NDST3: variants seen among roughly 807,000 people sequenced by gnomAD.
NDST3 encodes the protein bifunctional heparan sulfate N-deacetylase/N-sulfotransferase 3.
A neutral mutation model predicts 96.1 loss-of-function variants in NDST3; 58 were observed. The observed-to-expected ratio is 0.60, with a 90% CI of 0.49 to 0.75. NDST3 has a LOEUF of 0.75. Ranked by LOEUF, NDST3 falls within the 30% of genes least tolerant of loss-of-function variation. The pLI is 0.00. For synonymous variants in NDST3, 333 were observed against 359.7 expected (o/e 0.93, Z 0.84); for missense variants, 788 against 1,034.2 (o/e 0.76, Z 3.27).
chr4:118,257,181 C>T lies in NDST3; in HGVS notation c.*1469C>T, dbSNP rs1351852214. 1.3e-5 allele frequency: 2 copies of T among 151,962 alleles called. No individual in the cohort carries two copies. The highest frequency in any genetic ancestry group is 2.9e-5 in the Non-Finnish European group (2 of 68,002). 9.4% of individuals were successfully genotyped at this position (151,962 alleles called of 1,614,324 possible). Reference sequence around the variant, plus strand: ...GGGGACAGAGTCTCACTATGTCACCCAGGCTGGAGTGCAATGGTGTGATCT... The same window carrying T: ...GGGGACAGAGTCTCACTATGTCACCTAGGCTGGAGTGCAATGGTGTGATCT... On this transcript the variant is annotated 3_prime_UTR_variant, in exon 14 of 14. Coordinates refer to ENST00000296499, the MANE Select transcript of NDST3 (RefSeq NM_004784.3).
At chr4:118,193,587 G>T in intron 6 of NDST3, 1 of 1,159,234 alleles carries the variant, frequency 8.6e-7, no homozygotes, top group African/African-American at 1.5e-5. Flanking sequence ...CTGCAGATCT[G>T]CTGCTGGCAC....
At chr4:118,174,856 T>C (rs745329626) in intron 6 of NDST3, among the ~76,000 whole-genome samples, 7 of 152,192 alleles carry the variant, frequency 4.6e-5, no homozygotes, top group Non-Finnish European at 8.8e-5. Context: ...TAAAGTTGGA[T>C]TCTGTGACTG....
chr4:118,207,547 C>T (rs1371551537), intron 6 of NDST3, among the ~76,000 whole-genome samples: 1 of 145,002 alleles, frequency 6.9e-6, no homozygotes, highest in Non-Finnish European at 1.5e-5. Context: ...CAAGTGATGA[C>T]ACAGTAAAAA....
chr4:118,171,844 T>C (rs548479815), intron 6 of NDST3, among the ~76,000 whole-genome samples: 1 of 152,082 alleles, frequency 6.6e-6, no homozygotes, highest in Non-Finnish European at 1.5e-5. Context: ...TAGGGTTAAG[T>C]AGGGCTTGTT....
chr4:118,250,487 CTT>C (rs775929321), intron 12 of NDST3, among the ~76,000 whole-genome samples: 12 of 143,848 alleles, frequency 8.3e-5, no homozygotes, highest in Admixed American at 2.1e-4. Context: ...CTGTTCCAAT[CTT>C]TTTTTTTTTT....
chr4:118,066,218 A>ATTATATATATTATATATTATATATATT (rs1560617831), intron 2 of NDST3, among the ~76,000 whole-genome samples: 1 of 62,862 alleles, frequency 1.6e-5, no homozygotes, highest in African/African-American at 7.0e-5. Context: ...TATTATACAT[A>ATTATATATATTATATATTATATATATT]ATATATTATA....
At chr4:118,035,779 AGAAGATTTGT>A (rs1464866572) in intron 1 of NDST3, among the ~76,000 whole-genome samples, 3 of 151,982 alleles carry the variant, frequency 2.0e-5, no homozygotes, top group Non-Finnish European at 2.9e-5. Flanking sequence ...ATGGTAAAAC[AGAAGATTTGT>A]TTCTTTGTGT....
chr4:118,082,924 AAG>A (rs1463336120), intron 2 of NDST3, among the ~76,000 whole-genome samples: 2 of 152,124 alleles, frequency 1.3e-5, no homozygotes, highest in African/African-American at 4.8e-5. Context: ...GAGAAGGAGT[AAG>A]AGAGAGGTAA....
At chr4:118,178,782 C>A (rs1736421647) in intron 6 of NDST3, among the ~76,000 whole-genome samples, 1 of 152,008 alleles carries the variant, frequency 6.6e-6, no homozygotes, top group African/African-American at 2.4e-5. Flanking sequence ...GCAGCTATAC[C>A]ACTATACATT....
At chr4:118,052,571 G>A (rs757356328) in intron 1 of NDST3, among the ~76,000 whole-genome samples, 7 of 151,892 alleles carry the variant, frequency 4.6e-5, no homozygotes, top group Non-Finnish European at 1.0e-4. Flanking sequence ...TTCCTTAGGT[G>A]CCCAGGTAAA....
intron 6 of NDST3, among the ~76,000 whole-genome samples, chr4:118,214,567 C>CTCG (rs1739073131): frequency 6.6e-6 from 1 of 152,064 alleles, no homozygotes; most frequent in South Asian, 2.1e-4. Context: ...ATACACATGA[C>CTCG]TCACAGTATG....
intron 6 of NDST3, among the ~76,000 whole-genome samples, chr4:118,148,740 T>C (rs1035419110): frequency 2.0e-5 from 3 of 152,214 alleles, no homozygotes; most frequent in Non-Finnish European, 4.4e-5. Flanking sequence ...CTAAAATTCA[T>C]CTGAAAGGAA....
At chr4:118,251,461 T>G (rs956535589) in intron 12 of NDST3, among the ~76,000 whole-genome samples, 2 of 152,180 alleles carry the variant, frequency 1.3e-5, no homozygotes, top group Admixed American at 6.6e-5. Context: ...ACATTTCAAG[T>G]TAATTTTTAC....
chr4:118,237,326 C>G, intron 10 of NDST3, 106 bp downstream of exon 10: 2 of 933,138 alleles, frequency 2.1e-6, no homozygotes, highest in South Asian at 4.4e-5. Context: ...AAGAGATTTG[C>G]TAGTTGTTTG....
intron 12 of NDST3, among the ~76,000 whole-genome samples, chr4:118,243,229 A>G (rs1741117555): frequency 6.6e-6 from 1 of 152,126 alleles, no homozygotes; most frequent in Non-Finnish European, 1.5e-5. Context: ...TTTAATATCA[A>G]TTTAGAAAGT....
At chr4:118,173,134 A>G (rs1322750759) in intron 6 of NDST3, among the ~76,000 whole-genome samples, 25 of 148,346 alleles carry the variant, frequency 1.7e-4, no homozygotes, top group African/African-American at 4.7e-4. Flanking sequence ...AGGCATATAT[A>G]TGTGTGTGTG....
chr4:118,207,071 T>A (rs2125984085), intron 6 of NDST3, among the ~76,000 whole-genome samples: 1 of 142,648 alleles, frequency 7.0e-6, no homozygotes, highest in East Asian at 2.0e-4. Context: ...ATTAAATTTT[T>A]AAAAATTAAT....
chr4:118,161,903 C>T (rs1442656565), intron 6 of NDST3, among the ~76,000 whole-genome samples: 1 of 152,182 alleles, frequency 6.6e-6, no homozygotes, highest in African/African-American at 2.4e-5. Flanking sequence ...CTGTCTGGCA[C>T]TCCCTAGTGA....
intron 6 of NDST3, among the ~76,000 whole-genome samples, chr4:118,208,204 C>A (rs1738568449): frequency 7.0e-6 from 1 of 143,538 alleles, no homozygotes; most frequent in African/African-American, 2.6e-5. Context: ...TTAATAGATA[C>A]ATGGTTTAGT....
Sources: allele counts gnomAD v4.1 joint callset (sites outside exome capture counted in the v4.1 genomes callset), GRCh38; gene constraint gnomAD v4.1.1; transcripts MANE v1.5; gene names NCBI Gene and HGNC (gene_info 2026-07-23, HGNC 2026-07-21).